The following CPSF2 variants were observed in gnomAD, a reference collection of about 807,000 sequenced individuals.
The protein encoded by CPSF2 is cleavage and polyadenylation specific factor 2, also known as cleavage and polyadenylation specificity factor subunit 2.
In CPSF2, 51 loss-of-function variants were observed where a neutral mutation model predicts 84.2. The observed-to-expected ratio is 0.61, with a 90% CI of 0.48 to 0.77. The LOEUF (loss-of-function observed/expected upper bound fraction) is 0.77. CPSF2 is among the 30% of genes least tolerant of loss of function. The pLI is 0.00. For missense variants in CPSF2, 641 were observed against 929.4 expected, an observed-to-expected ratio of 0.69 and a Z score of 4.03; for synonymous variants, 286 against 311.9, an observed-to-expected ratio of 0.92 and a Z score of 0.87.
chr14:92,149,947 G>A lies in CPSF2; in HGVS notation c.1141-4411G>A, dbSNP rs534178881. Among the ~76,000 whole-genome samples the A allele has an allele frequency of 6.6e-5, 10 of 152,142 alleles. 1 individual carries two copies. The East Asian group carries it at 1.9e-3, about 29-fold the overall frequency. Reference sequence around the variant, plus strand: ...TGGGATCACAGGCATGAGTCACTGCGCCTGGCCTAGTAAAAGATTTTTTAA... The same window carrying A: ...TGGGATCACAGGCATGAGTCACTGCACCTGGCCTAGTAAAAGATTTTTTAA... On this transcript the variant is annotated intron_variant, in intron 9 of 15. Coordinates refer to ENST00000298875, the MANE Select transcript of CPSF2 (RefSeq NM_017437.3).
At chr14:92,125,213 C>G (rs2068830502) in intron 1 of CPSF2, among the ~76,000 whole-genome samples, 1 of 151,978 alleles carries the variant, frequency 6.6e-6, no homozygotes. Flanking sequence ...GTAGTGAGGC[C>G]CTTCCTGTAT....
chr14:92,145,354 C>G (rs1183547414), intron 9 of CPSF2, among the ~76,000 whole-genome samples: 1 of 149,534 alleles, frequency 6.7e-6, no homozygotes, highest in East Asian at 2.0e-4. Flanking sequence ...ACACCACCCC[C>G]TAACCCACTC....
chr14:92,151,933 G>A (rs903172460), intron 9 of CPSF2, among the ~76,000 whole-genome samples: 3 of 150,982 alleles, frequency 2.0e-5, no homozygotes. Context: ...GATCGCTTGA[G>A]GCTGGAAGAT....
intron 9 of CPSF2, among the ~76,000 whole-genome samples, chr14:92,145,539 A>G (rs1188099638): frequency 2.0e-5 from 3 of 152,250 alleles, no homozygotes; most frequent in Non-Finnish European, 4.4e-5. Flanking sequence ...CTATAATTAT[A>G]GAATTGTTGA....
Position 92,134,194 on chromosome 14 carries a change from T to G in CPSF2, c.309+24T>G, listed in dbSNP as rs767230801. 3.1e-6 allele frequency: 5 copies of G among 1,612,870 alleles called. No individual in the cohort carries two copies. In the Admixed American group the frequency reaches 8.3e-5, roughly 27 times the overall value. ...AGGTAATTTAAGCAATTAAAAAAAT[T>G]TTGTTAGCACTCCTTCAGTGATTGT... On this transcript the variant is annotated intron_variant, in intron 4 of 15. Coordinates refer to ENST00000298875, the MANE Select transcript of CPSF2 (RefSeq NM_017437.3).
chr14:92,123,294 AT>A (rs2068802032), intron 1 of CPSF2, among the ~76,000 whole-genome samples: 1 of 150,682 alleles, frequency 6.6e-6, no homozygotes, highest in Non-Finnish European at 1.5e-5. Context: ...ACGCCCACCT[AT>A]TTTTGTAGCT....
intron 9 of CPSF2, among the ~76,000 whole-genome samples, chr14:92,146,681 A>G (rs1260342616): frequency 6.6e-6 from 1 of 152,188 alleles, no homozygotes; most frequent in Non-Finnish European, 1.5e-5. Context: ...GCTCCCAGAG[A>G]GAGCTTTTAA....
At chr14:92,154,242 C>G in intron 9 of CPSF2, 116 bp from the exon 10 acceptor site, 3 of 617,484 alleles carry the variant, frequency 4.9e-6, no homozygotes, top group Non-Finnish European at 8.2e-6. Context: ...TCAGAGGAAA[C>G]AATCAGTTTA....
intron 9 of CPSF2, 88 bp from the exon 10 acceptor site, chr14:92,154,270 T>A: frequency 1.2e-6 from 1 of 832,150 alleles, no homozygotes; most frequent in Non-Finnish European, 1.8e-6. Flanking sequence ...TAGAGCAATT[T>A]AGAGATGTGA....
In CPSF2 at chr14:92,167,150, T is replaced by C. The variant is rs906114045; in HGVS notation, c.*5406T>C. On this transcript the variant is annotated 3_prime_UTR_variant, in exon 16 of 16. Transcript: ENST00000298875. ...CCTCAGCCTCCAGAGTAGTTAGGAC[T>C]ACAGGCGCGTGCCACCATGCCAGGC... is the stretch of plus-strand genomic sequence containing the variant. 1 of 151,874 alleles carries C rather than the reference T, an allele frequency of 6.6e-6. No individual in the cohort carries two copies. The highest frequency in any genetic ancestry group is 1.5e-5 in the Non-Finnish European group (1 of 68,030). 9.4% of individuals were successfully genotyped at this position (151,874 alleles called of 1,614,324 possible). A position where few individuals can be genotyped will look rare whatever the true frequency, so the allele number is the denominator to read the frequency against.
rs2069417088 is a variant in CPSF2, at chr14:92,164,428, C to T, written c.*2684C>T. 1 of 152,090 alleles carries T rather than the reference C, an allele frequency of 6.6e-6. No individual in the cohort carries two copies. Among genetic ancestry groups the T allele is most frequent in the Admixed American group, 6.5e-5 (1 of 15,288 alleles). The allele number at this position is 152,090 out of a possible 1,614,324, so 9.4% of individuals were successfully genotyped here. A position where few individuals can be genotyped will look rare whatever the true frequency, so the allele number is the denominator to read the frequency against. ...TCAAATGAAGACTTTGTTTTAGCTT[C>T]AATTACTTCAGAAAATATAAATTTT... On this transcript the variant is annotated 3_prime_UTR_variant, in exon 16 of 16. Transcript: ENST00000298875.
chr14:92,153,782 C>A lies in CPSF2; in HGVS notation c.1141-576C>A, dbSNP rs189686400. On this transcript the variant is annotated intron_variant, in intron 9 of 15. Transcript: ENST00000298875. Reference sequence around the variant, plus strand: ...ACAGTGGTGTGAGCACAGCTCACTGCAGCCTTGACCTCCCAGGCTCAAGTG... The same window carrying A: ...ACAGTGGTGTGAGCACAGCTCACTGAAGCCTTGACCTCCCAGGCTCAAGTG... Among the ~76,000 whole-genome samples the A allele has an allele frequency of 2.7e-5, 4 of 149,746 alleles. No homozygotes were observed. In the East Asian group the frequency reaches 7.9e-4, roughly 29 times the overall value.
intron 1 of CPSF2, among the ~76,000 whole-genome samples, chr14:92,125,616 G>C (rs2068836439): frequency 6.6e-6 from 1 of 151,956 alleles, no homozygotes; most frequent in South Asian, 2.1e-4. Context: ...GCAGGACTAG[G>C]TTCACAGTTT....
At chr14:92,134,447 A>T in intron 5 of CPSF2, 92 bp downstream of exon 5, 1 of 823,664 alleles carries the variant, frequency 1.2e-6, no homozygotes, top group Non-Finnish European at 1.9e-6. Context: ...AATTATAGGC[A>T]TTATAGGCTG....
intron 6 of CPSF2, 89 bp downstream of exon 6, chr14:92,135,585 G>A: frequency 1.4e-6 from 2 of 1,383,360 alleles, no homozygotes; most frequent in East Asian, 2.4e-5. Context: ...TTTTTGTTTT[G>A]GTTACCAGAA....
chr14:92,128,548 T>C (rs1421896909), intron 2 of CPSF2, among the ~76,000 whole-genome samples: 1 of 152,134 alleles, frequency 6.6e-6, no homozygotes, highest in Non-Finnish European at 1.5e-5. Context: ...CCCTGCATGA[T>C]TGGAGTTAAT....
intron 1 of CPSF2, among the ~76,000 whole-genome samples, chr14:92,124,799 T>A (rs2068825066): frequency 6.6e-6 from 1 of 152,298 alleles, no homozygotes; most frequent in Middle Eastern, 3.4e-3. Flanking sequence ...TGAAATAATA[T>A]TTTGGTTCTA....
chr14:92,141,849 A>T (rs896515239), intron 7 of CPSF2, among the ~76,000 whole-genome samples: 1 of 152,230 alleles, frequency 6.6e-6, no homozygotes, highest in African/African-American at 2.4e-5. Flanking sequence ...TGGCCTGGTC[A>T]TACAATTTTC....
chr14:92,145,101 G>A (rs1483139080), intron 9 of CPSF2, among the ~76,000 whole-genome samples: 1 of 152,148 alleles, frequency 6.6e-6, no homozygotes, highest in African/African-American at 2.4e-5. Context: ...TGTAGCAATT[G>A]ATATAGTGGG....
Sources: gnomAD v4.1 joint callset for allele counts (sites outside exome capture counted in the v4.1 genomes callset) on GRCh38, gnomAD v4.1.1 for gene constraint, MANE v1.5 for transcripts, NCBI Gene and HGNC (gene_info 2026-07-23, HGNC 2026-07-21) for gene names.